The following SDK2 variants were observed in gnomAD, a reference collection of about 807,000 sequenced individuals.
The protein encoded by SDK2 is sidekick cell adhesion molecule 2.
Under a neutral mutation model 253.9 loss-of-function variants are expected in SDK2, and 105 were observed. The ratio of observed to expected loss-of-function variants is 0.41; its 90% CI spans 0.35 to 0.49. The LOEUF is 0.49. SDK2 is among the 20% of genes least tolerant of loss of function. SDK2 has a pLI of 0.06. For synonymous variants in SDK2, 1,249 were observed against 1,234.9 expected, an observed-to-expected ratio of 1.01 and a Z score of -0.24; for missense variants, 2,608 against 3,003.0, an observed-to-expected ratio of 0.87 and a Z score of 3.07.
chr17:73,388,147 C>T (rs899915323), intron 29 of SDK2, 110 bp from the exon 30 acceptor site: 11 of 726,940 alleles, frequency 1.5e-5, no homozygotes, highest in Non-Finnish European at 2.1e-5. Flanking sequence ...GCCTGGCATC[C>T]CCTTCCCATC....
At chr17:73,369,076 C>A in intron 36 of SDK2, 1 of 429,350 alleles carries the variant, frequency 2.3e-6, no homozygotes, top group South Asian at 1.6e-5. Context: ...CTTTTCACAG[C>A]CAAGACCCTG....
chr17:73,379,640 G>C lies in SDK2; in HGVS notation c.4763-91C>G. The C allele has an allele frequency of 2.7e-6, 2 of 737,602 alleles. No individual in the cohort carries two copies. The highest frequency in any genetic ancestry group is 4.6e-6 in the Non-Finnish European group (2 of 438,232). 45.7% of individuals were successfully genotyped at this position (737,602 alleles called of 1,614,324 possible). On this transcript the variant is annotated intron_variant, in intron 34 of 44. Transcript: ENST00000392650. This position sits in a 1 kb window ranked among gnomAD's most constrained non-coding sequence, Gnocchi z 4.5. The stretch of plus-strand genomic sequence containing the variant: ...AGGGAGGGTGGAGGCTGCAGGGGGA[G>C]GAATGAGGCACCCCCGCCATTCTAG...
intron 1 of SDK2, among the ~76,000 whole-genome samples, chr17:73,591,430 A>G (rs1010046618): frequency 6.6e-6 from 1 of 152,082 alleles, no homozygotes; most frequent in Admixed American, 6.5e-5. Context: ...CCACCAGCAC[A>G]CTCTTCCGGG....
chr17:73,445,805 A>C (rs2063449467), intron 5 of SDK2, among the ~76,000 whole-genome samples: 1 of 152,192 alleles, frequency 6.6e-6, no homozygotes, highest in Non-Finnish European at 1.5e-5. Context: ...GCTAAAAATC[A>C]GCGGATTCTG....
At chr17:73,490,609 C>G (rs1007728789) in intron 2 of SDK2, among the ~76,000 whole-genome samples, 1 of 145,746 alleles carries the variant, frequency 6.9e-6, no homozygotes, top group Admixed American at 7.0e-5. Flanking sequence ...CTCACTGCAG[C>G]CTCGACCTCC....
At chr17:73,583,799 G>A (rs2045568758) in intron 1 of SDK2, among the ~76,000 whole-genome samples, 1 of 152,208 alleles carries the variant, frequency 6.6e-6, no homozygotes, top group Admixed American at 6.5e-5. Flanking sequence ...AGCTCCAGAT[G>A]AAGGGTCCAG....
chr17:73,590,729 C>T (rs777416587), intron 1 of SDK2, among the ~76,000 whole-genome samples: 2 of 152,136 alleles, frequency 1.3e-5, no homozygotes, highest in Non-Finnish European at 2.9e-5. Context: ...AATTGAGGCC[C>T]TGAGTTTTGG....
chr17:73,474,158 C>T (rs933278571), intron 2 of SDK2, among the ~76,000 whole-genome samples: 1 of 152,158 alleles, frequency 6.6e-6, no homozygotes, highest in African/African-American at 2.4e-5. Flanking sequence ...TGAGCCACCG[C>T]ACCCAGCCAA....
At chr17:73,343,992 C>T (rs1464653407) in intron 44 of SDK2, among the ~76,000 whole-genome samples, 2 of 152,188 alleles carry the variant, frequency 1.3e-5, no homozygotes, top group Non-Finnish European at 2.9e-5. Context: ...AAGCCGGCAG[C>T]GCATCTGTGC....
chr17:73,338,262 G>A lies in SDK2; in HGVS notation c.*325C>T, dbSNP rs751225669. ...TGGCGGCCTCCAGTCCTTAGCCTCC[G>A]CTCCCTCTCTCTCTCCAGATGCCCG... is the stretch of plus-strand genomic sequence containing the variant. On this transcript the variant is annotated 3_prime_UTR_variant, in exon 45 of 45. Coordinates refer to ENST00000392650, the MANE Select transcript of SDK2 (RefSeq NM_001144952.2). This position sits in a 1 kb window ranked among gnomAD's most constrained non-coding sequence, Gnocchi z 5.0. The A allele has an allele frequency of 8.3e-6, 4 of 483,752 alleles. No homozygotes were observed. The highest frequency in any genetic ancestry group is 1.6e-5 in the South Asian group (1 of 60,758). The allele number at this position is 483,752 out of a possible 1,614,324, so 30.0% of individuals were successfully genotyped here.
intron 3 of SDK2, among the ~76,000 whole-genome samples, chr17:73,470,237 G>A (rs185752001): frequency 6.6e-6 from 1 of 151,948 alleles, no homozygotes; most frequent in African/African-American, 2.4e-5. Context: ...ACAGGTGAGA[G>A]GCAGACTGGC....
At chr17:73,588,099 G>A (rs777138547) in intron 1 of SDK2, among the ~76,000 whole-genome samples, 4 of 151,920 alleles carry the variant, frequency 2.6e-5, no homozygotes, top group Non-Finnish European at 4.4e-5. Flanking sequence ...CTGGCCTGGC[G>A]CGGTGGCTCA....
chr17:73,525,369 C>A (rs1384318142), intron 1 of SDK2, among the ~76,000 whole-genome samples: 1 of 151,986 alleles, frequency 6.6e-6, no homozygotes, highest in African/African-American at 2.4e-5. Context: ...TGGCAATGGA[C>A]AAAGCCAGCA....
chr17:73,503,550 C>T (rs577198102), intron 2 of SDK2, among the ~76,000 whole-genome samples: 45 of 152,116 alleles, frequency 3.0e-4, no homozygotes, highest in African/African-American at 8.7e-4. Flanking sequence ...ACAGTACTAA[C>T]GATTTTACTA....
At chr17:73,522,756 A>G (rs1367656000) in intron 1 of SDK2, among the ~76,000 whole-genome samples, 1 of 152,224 alleles carries the variant, frequency 6.6e-6, no homozygotes, top group Non-Finnish European at 1.5e-5. Flanking sequence ...AGCTGATACC[A>G]GGGAAGAGGA....
chr17:73,584,536 G>C (rs2045578980), intron 1 of SDK2, among the ~76,000 whole-genome samples: 1 of 152,212 alleles, frequency 6.6e-6, no homozygotes, highest in Admixed American at 6.5e-5. Flanking sequence ...TCCGACTGTA[G>C]GAGGCTTTGG....
At chr17:73,611,805 G>C (rs2045978348) in intron 1 of SDK2, among the ~76,000 whole-genome samples, 1 of 152,234 alleles carries the variant, frequency 6.6e-6, no homozygotes, top group Admixed American at 6.5e-5. Flanking sequence ...GTCCAGCCCA[G>C]CTTCTGCCCG....
chr17:73,533,764 A>G (rs1032173598), intron 1 of SDK2, among the ~76,000 whole-genome samples: 1 of 147,678 alleles, frequency 6.8e-6, no homozygotes, highest in Admixed American at 7.0e-5. Flanking sequence ...TGTCTTCGCC[A>G]GGTTCCCTGT....
intron 3 of SDK2, among the ~76,000 whole-genome samples, chr17:73,459,330 T>C (rs1273165749): frequency 2.0e-5 from 3 of 152,190 alleles, no homozygotes; most frequent in African/African-American, 4.8e-5. Flanking sequence ...CTCACTGCCC[T>C]GGGAAAGTCT....
Sources: allele counts gnomAD v4.1 joint callset (sites outside exome capture counted in the v4.1 genomes callset), GRCh38; gene constraint gnomAD v4.1.1; non-coding constraint Gnocchi (gnomAD v3.1); transcripts MANE v1.5; gene names NCBI Gene and HGNC (gene_info 2026-07-23, HGNC 2026-07-21).